Variants in RALGAPA2 observed in about 807,000 individuals in gnomAD.
RALGAPA2 encodes Ral GTPase activating protein catalytic subunit alpha 2.
Under a neutral mutation model 230.4 loss-of-function variants are expected in RALGAPA2, and 139 were observed. The observed-to-expected ratio is 0.60, with a 90% CI of 0.53 to 0.69. RALGAPA2 has a LOEUF of 0.69. Ranked by LOEUF, RALGAPA2 falls within the 30% of genes least tolerant of loss-of-function variation. The pLI, the probability that RALGAPA2 is intolerant of heterozygous loss-of-function variation, is 0.00. For missense variants in RALGAPA2, 2,163 were observed against 2,276.0 expected (o/e 0.95, Z 1.01); for synonymous variants, 847 against 837.8 (o/e 1.01, Z -0.19).
chr20:20,455,105 A>C (rs1228318502), intron 37 of RALGAPA2, among the ~76,000 whole-genome samples: 3 of 152,164 alleles, frequency 2.0e-5, no homozygotes, highest in Non-Finnish European at 4.4e-5. Flanking sequence ...TACACATTAC[A>C]AACAGAATGT....
chr20:20,576,670 G>T (rs575466355), intron 20 of RALGAPA2, among the ~76,000 whole-genome samples: 2 of 152,206 alleles, frequency 1.3e-5, no homozygotes, highest in South Asian at 4.1e-4. Context: ...ACATAAGGTA[G>T]ATAACAGAAG....
intron 23 of RALGAPA2, among the ~76,000 whole-genome samples, chr20:20,549,028 T>C (rs2063849644): frequency 6.6e-6 from 1 of 152,194 alleles, no homozygotes; most frequent in Non-Finnish European, 1.5e-5. Context: ...TTCCATCTGT[T>C]GAGATGTGGA....
rs750803743 is a variant in RALGAPA2 at position 20,639,883 on chromosome 20, C to T, written c.568G>A (p.Glu190Lys). Residue 190 changes from glutamate (E) to lysine (K), a missense_variant, in exon 7 of 40, where the codon GAA becomes AAA. Coordinates refer to ENST00000202677, the MANE Select transcript of RALGAPA2 (RefSeq NM_020343.4). ...SVADVKIYPE[E>K]ITPLLPAISG... ...ATGGCTGGTAGGAGTGGAGTGATTTCTTCTGGATATATCTTTACTGAAAGG... is the reference window on the plus strand; with the variant it reads ...ATGGCTGGTAGGAGTGGAGTGATTTTTTCTGGATATATCTTTACTGAAAGG... 3 of 1,611,590 alleles carry T rather than the reference C, an allele frequency of 1.9e-6. No individual in the cohort carries two copies. Among genetic ancestry groups the T allele is most frequent in the Non-Finnish European group, 2.5e-6 (3 of 1,177,770 alleles).
At chr20:20,693,108 T>C (rs2068975937) in intron 1 of RALGAPA2, among the ~76,000 whole-genome samples, 2 of 152,204 alleles carry the variant, frequency 1.3e-5, no homozygotes, top group Admixed American at 6.5e-5. Context: ...AAACCAGATG[T>C]AGAACATCAA....
chr20:20,706,533 A>G (rs1477829327), intron 1 of RALGAPA2, among the ~76,000 whole-genome samples: 1 of 152,210 alleles, frequency 6.6e-6, no homozygotes, highest in Non-Finnish European at 1.5e-5. Flanking sequence ...CCAAGGTTAC[A>G]GGGAAGGCAA....
intron 10 of RALGAPA2, among the ~76,000 whole-genome samples, chr20:20,624,328 CAA>C (rs748683871): frequency 1.2e-4 from 6 of 49,156 alleles, no homozygotes; most frequent in Non-Finnish European, 2.2e-4. Flanking sequence ...ACTCCATCTC[CAA>C]AAAAAAAAAA....
intron 35 of RALGAPA2, among the ~76,000 whole-genome samples, chr20:20,499,904 G>A (rs1037890515): frequency 2.0e-5 from 3 of 152,072 alleles, no homozygotes; most frequent in African/African-American, 4.8e-5. Context: ...TCCGCAATAG[G>A]TTTTTTAGAT....
At chr20:20,525,456 G>A (rs1378023868) in intron 28 of RALGAPA2, among the ~76,000 whole-genome samples, 2 of 152,152 alleles carry the variant, frequency 1.3e-5, no homozygotes, top group African/African-American at 2.4e-5. Flanking sequence ...GCCTTTTAAC[G>A]TGTCTCTGAG....
intron 38 of RALGAPA2, among the ~76,000 whole-genome samples, chr20:20,407,630 C>T (rs1012545646): frequency 2.0e-5 from 3 of 152,184 alleles, no homozygotes; most frequent in African/African-American, 7.2e-5. Context: ...CCTCCATCTG[C>T]AGTTTTAGGA....
intron 37 of RALGAPA2, among the ~76,000 whole-genome samples, chr20:20,458,771 G>GACCTATATATATATACATACAC (rs2061209873): frequency 3.3e-5 from 4 of 120,722 alleles, no homozygotes; most frequent in Non-Finnish European, 6.9e-5. Context: ...TATATATATA[G>GACCTATATATATATACATACAC]ACCTATATAT....
intron 4 of RALGAPA2, among the ~76,000 whole-genome samples, chr20:20,649,204 G>A (rs1007442880): frequency 2.0e-5 from 3 of 152,168 alleles, no homozygotes; most frequent in African/African-American, 7.2e-5. Context: ...TTCTGAGGGA[G>A]TCCTGTGTGA....
At chr20:20,686,112 A>T in intron 1 of RALGAPA2, among the ~76,000 whole-genome samples, 1 of 152,184 alleles carries the variant, frequency 6.6e-6, no homozygotes, top group Non-Finnish European at 1.5e-5. Flanking sequence ...TTGATTAAGT[A>T]TTTCTCCACA....
At chr20:20,667,768 A>C (rs911030234) in intron 3 of RALGAPA2, among the ~76,000 whole-genome samples, 1 of 152,208 alleles carries the variant, frequency 6.6e-6, no homozygotes, top group African/African-American at 2.4e-5. Flanking sequence ...AGATGGAGAA[A>C]GGTTGAAGGT....
intron 35 of RALGAPA2, among the ~76,000 whole-genome samples, chr20:20,502,197 T>C (rs1009256612): frequency 2.0e-5 from 3 of 152,070 alleles, no homozygotes; most frequent in African/African-American, 7.3e-5. Context: ...ACCTGTGAAG[T>C]GTAATAAAGT....
intron 4 of RALGAPA2, among the ~76,000 whole-genome samples, chr20:20,651,020 A>C (rs2067379210): frequency 6.6e-6 from 1 of 152,242 alleles, no homozygotes; most frequent in Admixed American, 6.5e-5. Context: ...TTGTGTGTAG[A>C]TATTCCACTA....
intron 1 of RALGAPA2, among the ~76,000 whole-genome samples, chr20:20,702,179 A>G (rs1046109193): frequency 6.6e-6 from 1 of 152,236 alleles, no homozygotes; most frequent in African/African-American, 2.4e-5. Flanking sequence ...GGATGAAGAA[A>G]GCCCACATGG....
At chr20:20,393,835 A>G (rs557844676) in intron 39 of RALGAPA2, among the ~76,000 whole-genome samples, 2 of 152,136 alleles carry the variant, frequency 1.3e-5, no homozygotes, top group South Asian at 4.2e-4. Flanking sequence ...GCACATCTGC[A>G]CCCCCCGCTT....
chr20:20,421,846 C>G (rs2060282431), intron 37 of RALGAPA2, among the ~76,000 whole-genome samples: 1 of 152,134 alleles, frequency 6.6e-6, no homozygotes, highest in African/African-American at 2.4e-5. Flanking sequence ...TTCATAGGAG[C>G]ATTATTATTT....
At chr20:20,627,059 T>C (rs1419892036) in intron 10 of RALGAPA2, among the ~76,000 whole-genome samples, 3 of 152,122 alleles carry the variant, frequency 2.0e-5, no homozygotes, top group South Asian at 2.1e-4. Flanking sequence ...GGGAATGGGG[T>C]AGATTTTAAA....
Sources: allele counts gnomAD v4.1 joint callset (sites outside exome capture counted in the v4.1 genomes callset), GRCh38; gene constraint gnomAD v4.1.1; transcripts MANE v1.5; gene names NCBI Gene and HGNC (gene_info 2026-07-23, HGNC 2026-07-21).